GPR39: variants seen among roughly 807,000 people sequenced by gnomAD.
The protein encoded by GPR39 is zinc sensing receptor.
GPR39 carries 23 observed loss-of-function variants against 18.4 expected under a neutral mutation model. The ratio of observed to expected loss-of-function variants is 1.25; its 90% CI spans 0.90 to 1.77. The LOEUF (loss-of-function observed/expected upper bound fraction) is 1.77, where lower values mean the gene tolerates loss of function less well. Ranked by LOEUF, GPR39 falls within the 40% of genes most tolerant of loss-of-function variation. GPR39 has a pLI of 0.00. For synonymous variants in GPR39, 280 were observed against 257.9 expected (o/e 1.09, Z -0.82); for missense variants, 647 against 602.4 (o/e 1.07, Z -0.78).
intron 1 of GPR39, among the ~76,000 whole-genome samples, chr2:132,597,717 T>C (rs1400501805): frequency 6.6e-6 from 1 of 152,214 alleles, no homozygotes; most frequent in Non-Finnish European, 1.5e-5. Context: ...GGACCATTTA[T>C]AAATCAGCTG....
intron 1 of GPR39, among the ~76,000 whole-genome samples, chr2:132,594,133 C>T (rs1321718940): frequency 6.6e-6 from 1 of 152,172 alleles, no homozygotes; most frequent in Non-Finnish European, 1.5e-5. Flanking sequence ...CTGCCTTGCA[C>T]TACCTTATCA....
chr2:132,574,619 C>G (rs992162207), intron 1 of GPR39, among the ~76,000 whole-genome samples: 1 of 152,148 alleles, frequency 6.6e-6, no homozygotes, highest in Non-Finnish European at 1.5e-5. Context: ...CCTGTAATCC[C>G]AGCTACTCAG....
At chr2:132,635,604 G>C (rs1397421019) in intron 1 of GPR39, among the ~76,000 whole-genome samples, 1 of 152,126 alleles carries the variant, frequency 6.6e-6, no homozygotes, top group Non-Finnish European at 1.5e-5. Flanking sequence ...AAAGCAGCGT[G>C]TGCAGAGGCA....
intron 1 of GPR39, among the ~76,000 whole-genome samples, chr2:132,574,737 A>C (rs3115013): frequency 0.67 from 102,546 of 152,134 alleles, 35,920 homozygotes; most frequent in East Asian, 0.92. Flanking sequence ...TTTGTCGCTA[A>C]ATGAATAAAT....
rs374150170 is a variant in GPR39, at chr2:132,569,006, G to T, written c.857-76095G>T. 8.5e-5 allele frequency among the ~76,000 whole-genome samples: 13 copies of T among 152,176 alleles called. No homozygotes were observed. In the East Asian group the frequency reaches 1.7e-3, roughly 20 times the overall value. ...TGGTCACTGTGTGAATTGACTCAAT[G>T]AAATGCATAGACTAAGCGCCTTGGT... On this transcript the variant is annotated intron_variant, in intron 1 of 1. Transcript: ENST00000329321.
At chr2:132,601,193 C>T (rs963461169) in intron 1 of GPR39, among the ~76,000 whole-genome samples, 2 of 152,096 alleles carry the variant, frequency 1.3e-5, no homozygotes, top group African/African-American at 2.4e-5. Context: ...TCTTGATGAA[C>T]ATAGAAGCAA....
At chr2:132,431,884 T>C (rs1341173237) in intron 1 of GPR39, among the ~76,000 whole-genome samples, 1 of 152,224 alleles carries the variant, frequency 6.6e-6, no homozygotes, top group Non-Finnish European at 1.5e-5. Context: ...TTTCTCACAG[T>C]TCTGGAGGCC....
At chr2:132,582,607 G>T (rs1207092346) in intron 1 of GPR39, among the ~76,000 whole-genome samples, 1 of 152,130 alleles carries the variant, frequency 6.6e-6, no homozygotes, top group Non-Finnish European at 1.5e-5. Context: ...TAAGGTCAAG[G>T]TGCCTGTCTC....
intron 1 of GPR39, among the ~76,000 whole-genome samples, chr2:132,615,185 A>G (rs2104854089): frequency 6.6e-6 from 1 of 152,064 alleles, no homozygotes; most frequent in Admixed American, 6.6e-5. Context: ...GGAAGTACCT[A>G]TTTTTCATGA....
chr2:132,523,478 A>G (rs77971076), intron 1 of GPR39: 1 of 149,342 alleles, frequency 6.7e-6, no homozygotes, highest in African/African-American at 2.5e-5. Flanking sequence ...AGTAATGTAG[A>G]AAAAAAAAAG....
At chr2:132,463,473 C>T (rs189565358) in intron 1 of GPR39, among the ~76,000 whole-genome samples, 264 of 151,444 alleles carry the variant, frequency 1.7e-3, no homozygotes, top group Middle Eastern at 3.4e-3. Flanking sequence ...CCCCACTTCC[C>T]TGGCCATCTC....
At chr2:132,485,464 T>C (rs1166923240) in intron 1 of GPR39, among the ~76,000 whole-genome samples, 1 of 152,232 alleles carries the variant, frequency 6.6e-6, no homozygotes, top group Non-Finnish European at 1.5e-5. Context: ...TACTGTTTTA[T>C]AGCATTTTAT....
intron 1 of GPR39, among the ~76,000 whole-genome samples, chr2:132,455,635 T>C (rs1172641715): frequency 6.6e-6 from 1 of 152,238 alleles, no homozygotes; most frequent in East Asian, 1.9e-4. Flanking sequence ...TAAATTTCCC[T>C]CTACACACTG....
chr2:132,450,093 G>A (rs1680606270), intron 1 of GPR39, among the ~76,000 whole-genome samples: 1 of 152,204 alleles, frequency 6.6e-6, no homozygotes, highest in African/African-American at 2.4e-5. Context: ...CCCTTTGTCT[G>A]TTCCAATATA....
intron 1 of GPR39, among the ~76,000 whole-genome samples, chr2:132,502,263 G>A (rs1227101897): frequency 6.6e-6 from 1 of 152,178 alleles, no homozygotes; most frequent in African/African-American, 2.4e-5. Context: ...TTCTTGTAGT[G>A]TTGGCTTGGT....
At chr2:132,593,592 G>C (rs1384718523) in intron 1 of GPR39, among the ~76,000 whole-genome samples, 1 of 152,172 alleles carries the variant, frequency 6.6e-6, no homozygotes, top group East Asian at 1.9e-4. Context: ...AGAAGATTTT[G>C]ACCTGAACAA....
chr2:132,531,986 A>T (rs915942177), intron 1 of GPR39, among the ~76,000 whole-genome samples: 4 of 152,240 alleles, frequency 2.6e-5, no homozygotes, highest in African/African-American at 9.6e-5. Flanking sequence ...AGAAGGCAAG[A>T]AGTAACTAAG....
In GPR39 at chr2:132,644,971, A is replaced by G. The variant is rs1681974381; in HGVS notation, c.857-130A>G. On this transcript the variant is annotated intron_variant, in intron 1 of 1. Coordinates refer to ENST00000329321, the MANE Select transcript of GPR39 (RefSeq NM_001508.3). Reference sequence around the variant, plus strand: ...AAGCTGTCAAGTCCAACACTGAAAAATTGGTACCATTTCCTGGCCAGTAAG... The same window carrying G: ...AAGCTGTCAAGTCCAACACTGAAAAGTTGGTACCATTTCCTGGCCAGTAAG... 3 of 1,048,088 alleles carry G rather than the reference A, an allele frequency of 2.9e-6. No individual in the cohort carries two copies. The East Asian group carries it at 7.8e-5, about 27-fold the overall frequency. 64.9% of individuals were successfully genotyped at this position (1,048,088 alleles called of 1,614,324 possible).
chr2:132,505,393 T>G (rs950114264), intron 1 of GPR39, among the ~76,000 whole-genome samples: 2 of 152,222 alleles, frequency 1.3e-5, no homozygotes, highest in African/African-American at 4.8e-5. Context: ...CACTTCTATG[T>G]ATTGCAAACA....
Sources: allele counts gnomAD v4.1 joint callset (sites outside exome capture counted in the v4.1 genomes callset), GRCh38; gene constraint gnomAD v4.1.1; transcripts MANE v1.5; gene names NCBI Gene and HGNC (gene_info 2026-07-23, HGNC 2026-07-21).